The following ANKRD29 variants were observed in gnomAD, a reference collection of about 807,000 sequenced individuals.
ANKRD29 encodes the protein ankyrin repeat domain-containing protein 29.
A neutral mutation model predicts 38.0 loss-of-function variants in ANKRD29; 32 were observed. The ratio of observed to expected loss-of-function variants is 0.84; its 90% CI spans 0.64 to 1.13. ANKRD29 has a LOEUF of 1.13. Among genes scored for constraint, ANKRD29 ranks in the 50% most tolerant of loss-of-function variants. The pLI, the probability that ANKRD29 is intolerant of heterozygous loss-of-function variation, is 0.00. For missense variants in ANKRD29, 357 were observed against 377.9 expected, an observed-to-expected ratio of 0.94 and a Z score of 0.46; for synonymous variants, 135 against 152.4, an observed-to-expected ratio of 0.89 and a Z score of 0.84.
intron 6 of ANKRD29, among the ~76,000 whole-genome samples, chr18:23,625,255 G>C (rs940694366): frequency 2.0e-5 from 3 of 152,148 alleles, no homozygotes; most frequent in Non-Finnish European, 4.4e-5. Flanking sequence ...AAATGGGTCT[G>C]TAAGAGATTT....
At chr18:23,653,757 G>A (rs1219200885) in intron 1 of ANKRD29, among the ~76,000 whole-genome samples, 1 of 151,894 alleles carries the variant, frequency 6.6e-6, no homozygotes, top group Admixed American at 6.6e-5. Context: ...TTTTGGTAGA[G>A]CTAGCGTTTT....
Position 23,601,041 on chromosome 18 carries a change from TC to T in ANKRD29, c.*184del, listed in dbSNP as rs1455063584. 1 of 548,696 alleles carries T rather than the reference TC, an allele frequency of 1.8e-6. No homozygotes were observed. The highest frequency in any genetic ancestry group is 3.2e-6 in the Non-Finnish European group (1 of 308,906). 34.0% of individuals were successfully genotyped at this position (548,696 alleles called of 1,614,324 possible). A position where few individuals can be genotyped will look rare whatever the true frequency, so the allele number is the denominator to read the frequency against. On this transcript the variant is annotated 3_prime_UTR_variant, in exon 10 of 10. Transcript: ENST00000592179. Reference sequence around the variant, plus strand: ...AGTCCATGGTGAAGGGGCAAGAGGGTCCCTGAGCTGTTTGGTTCTTGACTTC... The same window carrying T: ...AGTCCATGGTGAAGGGGCAAGAGGGTCCTGAGCTGTTTGGTTCTTGACTTC...
At chr18:23,629,455 T>C (rs1598492335) in intron 6 of ANKRD29, among the ~76,000 whole-genome samples, 3 of 152,148 alleles carry the variant, frequency 2.0e-5, no homozygotes, top group African/African-American at 2.4e-5. Flanking sequence ...GGTGGGCAGG[T>C]AGTAAGGCAG....
At chr18:23,641,018 C>T (rs1207350544) in intron 3 of ANKRD29, among the ~76,000 whole-genome samples, 2 of 152,030 alleles carry the variant, frequency 1.3e-5, no homozygotes, top group Admixed American at 1.3e-4. Flanking sequence ...CAATAAGACC[C>T]ACTGAGACAG....
intron 5 of ANKRD29, 117 bp from the exon 6 acceptor site, chr18:23,630,068 T>A: frequency 1.3e-6 from 1 of 799,616 alleles, no homozygotes; most frequent in Non-Finnish European, 2.0e-6. Flanking sequence ...GAGGCCTAGG[T>A]AGGTGAATCC....
Position 23,619,566 on chromosome 18 carries a change from G to A in ANKRD29, c.592C>T (p.Leu198=). The change falls in exon 7 of 10, where the codon CTG becomes TTG. Residue 198 remains leucine, a synonymous_variant. Transcript: ENST00000592179. ...MGHSEVVRVM[L]LRGADRDAAR... is the part of the protein sequence containing the mutation. ...GCGTCGCGGTCGGCTCCGCGCAGCA[G>A]CATCACCCGCACCACCTCGCTGTGG... 3 of 1,597,742 alleles carry A rather than the reference G, an allele frequency of 1.9e-6. No individual in the cohort carries two copies. The highest frequency in any genetic ancestry group is 2.5e-6 in the Non-Finnish European group (3 of 1,179,076).
intron 9 of ANKRD29, among the ~76,000 whole-genome samples, chr18:23,605,252 G>T (rs1197648037): frequency 1.4e-4 from 21 of 151,970 alleles, no homozygotes; most frequent in Admixed American, 1.4e-3. Context: ...TATTTTTTTA[G>T]ACAGATGGTC....
intron 1 of ANKRD29, among the ~76,000 whole-genome samples, chr18:23,655,951 G>A (rs1214628797): frequency 6.7e-6 from 1 of 150,224 alleles, no homozygotes; most frequent in Non-Finnish European, 1.5e-5. Flanking sequence ...AAATTAGCCG[G>A]GCGTAGTGGT....
chr18:23,603,632 C>T (rs1409674314), intron 9 of ANKRD29, among the ~76,000 whole-genome samples: 1 of 152,164 alleles, frequency 6.6e-6, no homozygotes, highest in Non-Finnish European at 1.5e-5. Flanking sequence ...GAGACTCCAT[C>T]TCACAAACAA....
chr18:23,634,753 T>C (rs1249104820), intron 4 of ANKRD29, among the ~76,000 whole-genome samples: 1 of 152,236 alleles, frequency 6.6e-6, no homozygotes, highest in Non-Finnish European at 1.5e-5. Context: ...CTATGCCAAA[T>C]GCAGCATCAT....
At chr18:23,656,057 C>T (rs1163404373) in intron 1 of ANKRD29, among the ~76,000 whole-genome samples, 1 of 146,086 alleles carries the variant, frequency 6.8e-6, no homozygotes, top group African/African-American at 2.6e-5. Flanking sequence ...CCCGCCACTG[C>T]ACTCCAGCCT....
At chr18:23,645,019 G>T (rs911132248) in intron 3 of ANKRD29, among the ~76,000 whole-genome samples, 1 of 152,102 alleles carries the variant, frequency 6.6e-6, no homozygotes, top group Non-Finnish European at 1.5e-5. Flanking sequence ...TGAGATATAC[G>T]ATATACTGGC....
At chr18:23,657,359 C>A (rs2060298264) in intron 1 of ANKRD29, among the ~76,000 whole-genome samples, 1 of 152,340 alleles carries the variant, frequency 6.6e-6, no homozygotes, top group Middle Eastern at 3.4e-3. Context: ...AGGCTCACCG[C>A]CCTCAACTCC....
intron 9 of ANKRD29, among the ~76,000 whole-genome samples, chr18:23,607,350 A>G (rs77880647): frequency 0.01 from 1,571 of 152,250 alleles, 22 homozygotes; most frequent in African/African-American, 0.036. Flanking sequence ...CCTGGTAAAC[A>G]GACCTAAGCT....
chr18:23,633,624 G>A (rs1275783558), intron 5 of ANKRD29, among the ~76,000 whole-genome samples: 1 of 152,162 alleles, frequency 6.6e-6, no homozygotes, highest in African/African-American at 2.4e-5. Flanking sequence ...AGGCTGGAGT[G>A]CAATGGTGTG....
chr18:23,652,239 G>T (rs980561287), intron 1 of ANKRD29, among the ~76,000 whole-genome samples: 2 of 152,150 alleles, frequency 1.3e-5, no homozygotes, highest in Non-Finnish European at 2.9e-5. Flanking sequence ...ACCACGTGGC[G>T]TATCTTCTGC....
intron 9 of ANKRD29, 32 bp from the exon 10 acceptor site, chr18:23,601,341 C>T (rs763967213): frequency 1.9e-6 from 3 of 1,581,390 alleles, no homozygotes; most frequent in Non-Finnish European, 2.6e-6. Flanking sequence ...ATTAGTGAAT[C>T]CCCATAGCTG....
chr18:23,600,822 C>A lies in ANKRD29; in HGVS notation c.*404G>T, dbSNP rs950012450. The stretch of plus-strand genomic sequence containing the variant: ...TACATTTAACACAAAAGCAAAAGTG[C>A]CTCAATCCATTGAAGGTCAGCTTTT... On this transcript the variant is annotated 3_prime_UTR_variant, in exon 10 of 10. Transcript: ENST00000592179. 2.5e-5 allele frequency: 4 copies of A among 158,134 alleles called. No individual in the cohort carries two copies. Among genetic ancestry groups the A allele is most frequent in the African/African-American group, 9.6e-5 (4 of 41,512 alleles). 9.8% of individuals were successfully genotyped at this position (158,134 alleles called of 1,614,324 possible).
chr18:23,616,758 G>T, intron 8 of ANKRD29, among the ~76,000 whole-genome samples: 1 of 144,570 alleles, frequency 6.9e-6, no homozygotes, highest in Admixed American at 7.0e-5. Context: ...TAAAATGTTA[G>T]TAAGCATTAC....
Sources: allele counts gnomAD v4.1 joint callset (sites outside exome capture counted in the v4.1 genomes callset), GRCh38; gene constraint gnomAD v4.1.1; transcripts MANE v1.5; gene names NCBI Gene and HGNC (gene_info 2026-07-23, HGNC 2026-07-21).